TMEM219: variants seen among roughly 807,000 people sequenced by gnomAD.
TMEM219 encodes insulin-like growth factor-binding protein 3 receptor.
Under a neutral mutation model 17.9 loss-of-function variants are expected in TMEM219, and 18 were observed. The observed-to-expected ratio is 1.01, with a 90% CI of 0.70 to 1.49. The LOEUF is 1.49. Ranked by LOEUF, TMEM219 falls within the 40% of genes most tolerant of loss-of-function variation. TMEM219 has a pLI of 0.00. For synonymous variants in TMEM219, 113 were observed against 124.0 expected (o/e 0.91, Z 0.59); for missense variants, 288 against 292.4 (o/e 0.99, Z 0.11).
At position 29,971,259 on chromosome 16, in the gene TMEM219, A is replaced by AG. The variant is rs2069283258; in HGVS notation, c.586-149_586-148insG. ...AGACTCCATCTCAAAAAAAAAAAAA[A>AG]AAGACAAATGTCAGCTTATATGAAA... On this transcript the variant is annotated intron_variant, in intron 4 of 5. Transcript: ENST00000279396. The AG allele has an allele frequency of 3.2e-6, 3 of 949,304 alleles. No homozygotes were observed. In the East Asian group the frequency reaches 7.8e-5, roughly 25 times the overall value. 58.8% of individuals were successfully genotyped at this position (949,304 alleles called of 1,614,324 possible).
intron 3 of TMEM219, among the ~76,000 whole-genome samples, chr16:29,964,095 C>T (rs1001864093): frequency 1.3e-5 from 2 of 150,874 alleles, no homozygotes; most frequent in Non-Finnish European, 1.5e-5. Context: ...GAGGCCGAGG[C>T]GGGCAGATCA....
At chr16:29,967,656 G>A (rs1406390133) in intron 3 of TMEM219, among the ~76,000 whole-genome samples, 4 of 152,124 alleles carry the variant, frequency 2.6e-5, no homozygotes, top group Non-Finnish European at 4.4e-5. Context: ...GGCCGGGCAC[G>A]GTGGCTCACG....
chr16:29,965,021 C>G (rs936775258), intron 3 of TMEM219, among the ~76,000 whole-genome samples: 1 of 152,034 alleles, frequency 6.6e-6, no homozygotes, highest in African/African-American at 2.4e-5. Flanking sequence ...ACAAAAGATG[C>G]AGAAAAAAAT....
At chr16:29,971,621 T>A (rs1385899122) in intron 5 of TMEM219, 43 bp downstream of exon 5, 8 of 391,660 alleles carry the variant, frequency 2.0e-5, no homozygotes, top group Non-Finnish European at 3.2e-5. Flanking sequence ...GGGAATGGGG[T>A]GGGGGTGGGG....
chr16:29,971,303 TTGC>T (rs2069283801), intron 4 of TMEM219, 102 bp from the exon 5 acceptor site: 14 of 1,137,466 alleles, frequency 1.2e-5, no homozygotes, highest in East Asian at 2.8e-5. Context: ...TTCCCTTCAG[TTGC>T]TCCCTAGATG....
intron 4 of TMEM219, among the ~76,000 whole-genome samples, chr16:29,971,011 C>T (rs2069278589): frequency 6.6e-6 from 1 of 151,468 alleles, no homozygotes; most frequent in Non-Finnish European, 1.5e-5. Context: ...CTTTGGGAGG[C>T]CGAGGTGGGC....
At chr16:29,964,130 C>G (rs1281914018) in intron 3 of TMEM219, among the ~76,000 whole-genome samples, 1 of 152,042 alleles carries the variant, frequency 6.6e-6, no homozygotes. Flanking sequence ...TGAGTCCAGC[C>G]TGACCAACAT....
chr16:29,969,783 C>A (rs1362179741), intron 4 of TMEM219, among the ~76,000 whole-genome samples: 1 of 152,164 alleles, frequency 6.6e-6, no homozygotes, highest in Non-Finnish European at 1.5e-5. Flanking sequence ...GATGGAGAGG[C>A]TCTGTGAATG....
rs187590348 is a variant in TMEM219 at position 29,968,076 on chromosome 16, G to A, written c.407G>A (p.Arg136Lys). 299 of 1,614,222 alleles carry A rather than the reference G, an allele frequency of 1.9e-4. No individual in the cohort carries two copies. The highest frequency in any genetic ancestry group is 1.3e-3 in the Middle Eastern group (8 of 6,062). The change falls in exon 4 of 6, where the codon AGG becomes AAG. Residue 136 changes from arginine (R) to lysine (K), a missense_variant. By Grantham distance (26) the Arg-to-Lys change is conservative (BLOSUM62 2). Transcript: ENST00000279396. Reference protein sequence around the residue: ...VLITARVTTERTAGTCLYFSA... With the variant: ...VLITARVTTEKTAGTCLYFSA... Reference sequence around the variant, plus strand: ...ATCACAGCCAGGGTGACCACAGAAAGGACTGCAGGAACCTGCCTATATTTT... The same window carrying A: ...ATCACAGCCAGGGTGACCACAGAAAAGACTGCAGGAACCTGCCTATATTTT...
At chr16:29,969,757 G>C (rs1247301863) in intron 4 of TMEM219, among the ~76,000 whole-genome samples, 1 of 152,154 alleles carries the variant, frequency 6.6e-6, no homozygotes, top group Non-Finnish European at 1.5e-5. Context: ...AAAGGCAAGA[G>C]AGACCACAGG....
chr16:29,964,945 T>C (rs1187662190), intron 3 of TMEM219, among the ~76,000 whole-genome samples: 1 of 152,234 alleles, frequency 6.6e-6, no homozygotes, highest in East Asian at 1.9e-4. Context: ...TTTGACCTAA[T>C]GTTTTCTCAT....
chr16:29,964,670 C>G (rs890977185), intron 3 of TMEM219, among the ~76,000 whole-genome samples: 1 of 151,896 alleles, frequency 6.6e-6, no homozygotes, highest in African/African-American at 2.4e-5. Flanking sequence ...CCGCGCCCCC[C>G]CCACCACCCT....
intron 3 of TMEM219, among the ~76,000 whole-genome samples, chr16:29,964,891 T>C (rs2069193903): frequency 1.3e-5 from 2 of 152,198 alleles, no homozygotes; most frequent in Non-Finnish European, 2.9e-5. Context: ...CCAGTTCTGA[T>C]GTTCTTTGAG....
rs2069175845 is a variant in TMEM219, at chr16:29,963,586, A to C, written c.352A>C (p.Lys118Gln). The C allele has an allele frequency of 6.2e-7, 1 of 1,613,546 alleles. No homozygotes were observed. Residue 118 changes from lysine (K) to glutamine (Q), a missense_variant, in exon 3 of 6, where the codon AAA becomes CAA. Coordinates refer to ENST00000279396, the MANE Select transcript of TMEM219 (RefSeq NM_001083613.2). ...ATVLGSQMGL[K>Q]GSSAGQLVLI... ...AGTCCTGGGAAGTCAGATGGGATTG[A>C]AAGGTGAGATCAGAGGCTGGGTGTG...
At position 29,971,508 on chromosome 16, in the gene TMEM219, C is replaced by G. The variant is rs377452886; in HGVS notation, c.686C>G (p.Pro229Arg). ...LCCVTAMCFHPRRESHWSRTR... is the reference protein window; with the variant it reads ...LCCVTAMCFHRRRESHWSRTR... ...TGTGTCACTGCTATGTGCTTCCACC[C>G]GCGCCGGGAGTCCCACTGGTCTAGA... is the stretch of plus-strand genomic sequence containing the variant. Residue 229 changes from proline (P) to arginine (R), a missense_variant, in exon 5 of 6, where the codon CCG becomes CGG. Coordinates refer to ENST00000279396, the MANE Select transcript of TMEM219 (RefSeq NM_001083613.2). 97 of 1,613,744 alleles carry G rather than the reference C, an allele frequency of 6.0e-5. No homozygotes were observed. Among genetic ancestry groups the G allele is most frequent in the Non-Finnish European group, 8.1e-5 (95 of 1,179,974 alleles).
At chr16:29,970,776 C>CA (rs1381944067) in intron 4 of TMEM219, among the ~76,000 whole-genome samples, 5 of 151,766 alleles carry the variant, frequency 3.3e-5, no homozygotes, top group Admixed American at 6.6e-5. Flanking sequence ...CCCATCTCTA[C>CA]AAAAAAACAC....
chr16:29,964,105 A>G (rs1377742951), intron 3 of TMEM219, among the ~76,000 whole-genome samples: 1 of 151,876 alleles, frequency 6.6e-6, no homozygotes, highest in East Asian at 1.9e-4. Context: ...CGGGCAGATC[A>G]TGAGGTCAGG....
At position 29,971,592 on chromosome 16, in the gene TMEM219, C is replaced by G. The variant is rs770485015; in HGVS notation, c.*33+14C>G. 6.3e-7 allele frequency: 1 copy of G among 1,598,746 alleles called. No individual in the cohort carries two copies. Among genetic ancestry groups the G allele is most frequent in the East Asian group, 2.3e-5 (1 of 44,440 alleles). On this transcript the variant is annotated intron_variant, in intron 5 of 5. Coordinates refer to ENST00000279396, the MANE Select transcript of TMEM219 (RefSeq NM_001083613.2). ...CTTGTTTCTCAGGTGAGGTTCTTTG[C>G]TCCAGTCCTGCGGGAGCAGGGAATG...
chr16:29,963,762 A>G (rs1462777801), intron 3 of TMEM219, among the ~76,000 whole-genome samples, 173 bp downstream of exon 3: 1 of 151,226 alleles, frequency 6.6e-6, no homozygotes, highest in Non-Finnish European at 1.5e-5. Context: ...AGGCGCCTCT[A>G]ATCCCAACTA....
Sources: gnomAD v4.1 joint callset for allele counts (sites outside exome capture counted in the v4.1 genomes callset) on GRCh38, gnomAD v4.1.1 for gene constraint, MANE v1.5 for transcripts, NCBI Gene and HGNC (gene_info 2026-07-23, HGNC 2026-07-21) for gene names.